The following PLXDC2 variants were observed in gnomAD, a reference collection of about 807,000 sequenced individuals.
The protein encoded by PLXDC2 is plexin domain-containing protein 2.
In PLXDC2, 40 loss-of-function variants were observed where a neutral mutation model predicts 68.9. The observed-to-expected ratio is 0.58, with a 90% CI of 0.45 to 0.76. The LOEUF (loss-of-function observed/expected upper bound fraction) is 0.76, where lower values mean the gene tolerates loss of function less well. Among genes scored for constraint, PLXDC2 ranks in the 30% least tolerant of loss-of-function variants. The pLI is 0.00. For synonymous variants in PLXDC2, 243 were observed against 234.2 expected, an observed-to-expected ratio of 1.04 and a Z score of -0.34; for missense variants, 644 against 661.9, an observed-to-expected ratio of 0.97 and a Z score of 0.30.
chr10:19,830,005 T>A (rs1425360684), intron 1 of PLXDC2, among the ~76,000 whole-genome samples: 1 of 152,230 alleles, frequency 6.6e-6, no homozygotes, highest in Non-Finnish European at 1.5e-5. Context: ...CTCTCTAATT[T>A]GTAACCCACA....
intron 3 of PLXDC2, among the ~76,000 whole-genome samples, chr10:20,059,182 G>A (rs1343808966): frequency 1.3e-5 from 2 of 152,168 alleles, no homozygotes; most frequent in African/African-American, 4.8e-5. Flanking sequence ...AAATCTAGAA[G>A]CAATTTCTTC....
intron 1 of PLXDC2, among the ~76,000 whole-genome samples, chr10:19,833,775 A>G (rs1836739227): frequency 6.6e-6 from 1 of 152,174 alleles, no homozygotes; most frequent in Non-Finnish European, 1.5e-5. Flanking sequence ...CCAAAATGCT[A>G]CCTGTGTGTT....
chr10:19,882,802 A>G (rs1837752941), intron 1 of PLXDC2, among the ~76,000 whole-genome samples: 1 of 152,186 alleles, frequency 6.6e-6, no homozygotes, highest in Non-Finnish European at 1.5e-5. Flanking sequence ...GCCTTGAACA[A>G]TGTTAAAAGC....
Position 20,198,748 on chromosome 10 carries a change from G to GT in PLXDC2, c.1062-12916dup, listed in dbSNP as rs751207176. Among the ~76,000 whole-genome samples, 4 of 152,164 alleles carry GT rather than the reference G, an allele frequency of 2.6e-5. No homozygotes were observed. In the East Asian group the frequency reaches 7.7e-4, roughly 29 times the overall value. ...TGCTATAATCTGATGTGTTTACCTTGTTTTTGTCACATAATCCAGCTGTAA... is the reference window on the plus strand; with the variant it reads ...TGCTATAATCTGATGTGTTTACCTTGTTTTTTGTCACATAATCCAGCTGTAA... On this transcript the variant is annotated intron_variant, in intron 9 of 13. Coordinates refer to ENST00000377252, the MANE Select transcript of PLXDC2 (RefSeq NM_032812.9).
At chr10:20,049,237 A>G (rs1835851097) in intron 3 of PLXDC2, among the ~76,000 whole-genome samples, 3 of 152,144 alleles carry the variant, frequency 2.0e-5, no homozygotes, top group Non-Finnish European at 2.9e-5. Flanking sequence ...ATCTATGACA[A>G]ACCCACAGCT....
chr10:20,218,962 T>C, intron 11 of PLXDC2, 102 bp from the exon 12 acceptor site: 7 of 1,253,174 alleles, frequency 5.6e-6, no homozygotes, highest in Non-Finnish European at 7.8e-6. Flanking sequence ...AATCTAGTCA[T>C]GTTCCGACCA....
intron 9 of PLXDC2, among the ~76,000 whole-genome samples, chr10:20,189,028 ATG>A (rs1834723640): frequency 1.5e-5 from 2 of 131,816 alleles, no homozygotes; most frequent in Non-Finnish European, 3.7e-5. Flanking sequence ...TCAAATTTTA[ATG>A]AAGAATCTTC....
intron 4 of PLXDC2, among the ~76,000 whole-genome samples, chr10:20,083,103 C>A (rs10508611): frequency 0.5 from 75,469 of 151,992 alleles, 19,789 homozygotes; most frequent in East Asian, 0.9. Context: ...TGGTAACCCC[C>A]TAAGAGACTT....
chr10:19,828,697 G>A (rs1468580834), intron 1 of PLXDC2, among the ~76,000 whole-genome samples: 1 of 152,194 alleles, frequency 6.6e-6, no homozygotes, highest in Non-Finnish European at 1.5e-5. Context: ...CCAGATTGGT[G>A]CAATCTCAGT....
intron 4 of PLXDC2, among the ~76,000 whole-genome samples, chr10:20,113,973 AAT>A: frequency 6.6e-6 from 1 of 152,052 alleles, no homozygotes; most frequent in East Asian, 1.9e-4. Flanking sequence ...AAAATATAAA[AAT>A]TAGTTAGGCA....
At chr10:20,106,048 A>C (rs1833486931) in intron 4 of PLXDC2, among the ~76,000 whole-genome samples, 1 of 152,224 alleles carries the variant, frequency 6.6e-6, no homozygotes, top group African/African-American at 2.4e-5. Flanking sequence ...CAGGGATTCA[A>C]AGATAAAGCA....
chr10:20,265,019 C>T (rs1285839790), intron 13 of PLXDC2, among the ~76,000 whole-genome samples: 1 of 152,050 alleles, frequency 6.6e-6, no homozygotes, highest in Middle Eastern at 3.2e-3. Context: ...AAAGAAAACA[C>T]TTGAATTATA....
At chr10:20,138,355 G>T (rs764979129) in intron 4 of PLXDC2, among the ~76,000 whole-genome samples, 2 of 152,130 alleles carry the variant, frequency 1.3e-5, no homozygotes, top group Non-Finnish European at 2.9e-5. Context: ...CCTACAGAGT[G>T]ATTGCCTTAG....
intron 2 of PLXDC2, among the ~76,000 whole-genome samples, chr10:20,016,520 T>C (rs1175030610): frequency 6.6e-6 from 1 of 152,232 alleles, no homozygotes; most frequent in East Asian, 1.9e-4. Context: ...CGCACTCAAA[T>C]TATCTGAGTA....
chr10:19,836,068 A>G (rs1836786488), intron 1 of PLXDC2, among the ~76,000 whole-genome samples: 1 of 151,904 alleles, frequency 6.6e-6, no homozygotes, highest in South Asian at 2.1e-4. Flanking sequence ...TCCCAGCTAC[A>G]CTGGAAGCTG....
chr10:20,069,739 G>A (rs1361564878), intron 4 of PLXDC2, among the ~76,000 whole-genome samples: 1 of 152,174 alleles, frequency 6.6e-6, no homozygotes, highest in Non-Finnish European at 1.5e-5. Flanking sequence ...GTTGAGGCAG[G>A]AGGATCACTT....
chr10:20,139,538 T>G (rs1833973691), intron 4 of PLXDC2, among the ~76,000 whole-genome samples: 1 of 152,176 alleles, frequency 6.6e-6, no homozygotes. Context: ...CATTCTACTA[T>G]AAAGACACGT....
intron 9 of PLXDC2, among the ~76,000 whole-genome samples, chr10:20,207,689 A>C (rs1564353551): frequency 6.6e-6 from 1 of 152,204 alleles, no homozygotes; most frequent in Non-Finnish European, 1.5e-5. Flanking sequence ...TCTGGAATTA[A>C]ATAGACTCCA....
intron 1 of PLXDC2, among the ~76,000 whole-genome samples, chr10:19,995,614 A>G (rs1834831458): frequency 6.6e-6 from 1 of 152,220 alleles, no homozygotes; most frequent in Non-Finnish European, 1.5e-5. Context: ...CCGTCCCTAA[A>G]TCTAAATTTC....
Sources: allele counts gnomAD v4.1 joint callset (sites outside exome capture counted in the v4.1 genomes callset), GRCh38; gene constraint gnomAD v4.1.1; transcripts MANE v1.5; gene names NCBI Gene and HGNC (gene_info 2026-07-23, HGNC 2026-07-21).